The following USH2A variants were observed in gnomAD, a reference collection of about 807,000 sequenced individuals.
The protein encoded by USH2A is usherin, also known as Usher syndrome 2A (autosomal recessive, mild).
In USH2A, 443 loss-of-function variants were observed where a neutral mutation model predicts 538.9. The observed-to-expected ratio is 0.82, with a 90% CI of 0.76 to 0.89. USH2A has a LOEUF of 0.89. Among genes scored for constraint, USH2A ranks in the 40% least tolerant of loss-of-function variants. USH2A has a pLI of 0.00. For synonymous variants in USH2A, 2,413 were observed against 2,273.5 expected (o/e 1.06, Z -1.75); for missense variants, 6,633 against 6,324.8 (o/e 1.05, Z -1.65).
At chr1:215,798,820 T>G (rs1662213261) in intron 50 of USH2A, 87 bp downstream of exon 50, 4 of 1,462,312 alleles carry the variant, frequency 2.7e-6, no homozygotes. Context: ...CTTTAATTAC[T>G]TATTTGTTTT....
At chr1:215,891,008 T>C (rs1039645838) in intron 40 of USH2A, among the ~76,000 whole-genome samples, 1 of 152,186 alleles carries the variant, frequency 6.6e-6, no homozygotes, top group African/African-American at 2.4e-5. Context: ...ATATGTGAAC[T>C]ATCAAACTGT....
At chr1:216,113,716 T>C (rs2032932470) in intron 21 of USH2A, among the ~76,000 whole-genome samples, 1 of 152,058 alleles carries the variant, frequency 6.6e-6, no homozygotes, top group Admixed American at 6.6e-5. Context: ...CTTTTAAATG[T>C]TATTTTTAAA....
In USH2A at chr1:216,319,699, G is replaced by A. The variant is rs184814697; in HGVS notation, c.1644+2184C>T. Among the ~76,000 whole-genome samples, 334 of 152,266 alleles carry A rather than the reference G, an allele frequency of 2.2e-3. 2 individuals carry two copies. Among genetic ancestry groups the A allele is most frequent in the African/African-American group, 7.5e-3 (313 of 41,562 alleles). ...AGACTCTTAGTTGAAACTGAGGAGT[G>A]GGACTACGTTTTGAATGTGCTAGAG... On this transcript the variant is annotated intron_variant, in intron 9 of 71. Transcript: ENST00000307340.
intron 60 of USH2A, among the ~76,000 whole-genome samples, chr1:215,734,715 C>T (rs73088849): frequency 0.04 from 6,134 of 152,242 alleles, 370 homozygotes; most frequent in African/African-American, 0.13. Flanking sequence ...CTCTTAAGTT[C>T]TCACTTTCAC....
In USH2A at chr1:215,993,142, ACTGTGCACCCACCAC is replaced by A; in HGVS notation, c.6668_6682del (p.Gly2223_Thr2227del). 1 of 1,613,966 alleles carries A rather than the reference ACTGTGCACCCACCAC, an allele frequency of 6.2e-7. No individual in the cohort carries two copies. The highest frequency in any genetic ancestry group is 1.3e-5 in the African/African-American group (1 of 75,004). On this transcript the variant is annotated inframe_deletion, in exon 35 of 72. Coordinates refer to ENST00000307340, the MANE Select transcript of USH2A (RefSeq NM_206933.4). ...AGTTAGGGCCTCACTGGCCTCACTC[ACTGTGCACCCACCAC>A]CTGTGCAAGCCTAAACAGAGATGCA...
intron 44 of USH2A, among the ~76,000 whole-genome samples, chr1:215,849,406 G>A (rs1663958681): frequency 6.6e-6 from 1 of 152,124 alleles, no homozygotes; most frequent in African/African-American, 2.4e-5. Context: ...AGCAATGGCA[G>A]AATTAAAACG....
At chr1:215,954,454 T>C (rs1270091769) in intron 37 of USH2A, among the ~76,000 whole-genome samples, 1 of 151,340 alleles carries the variant, frequency 6.6e-6, no homozygotes, top group African/African-American at 2.4e-5. Flanking sequence ...CTCAGCAAAC[T>C]ATCGCAAGGA....
At chr1:216,386,557 A>G (rs1402977666) in intron 3 of USH2A, among the ~76,000 whole-genome samples, 1 of 148,402 alleles carries the variant, frequency 6.7e-6, no homozygotes, top group East Asian at 2.0e-4. Flanking sequence ...ATATATATAT[A>G]TATATATATG....
intron 33 of USH2A, 71 bp from the exon 34 acceptor site, chr1:215,999,129 C>G: frequency 7.8e-7 from 1 of 1,276,856 alleles, no homozygotes; most frequent in Non-Finnish European, 1.1e-6. Flanking sequence ...TTTCAAAGGA[C>G]ACATTTGAAC....
intron 25 of USH2A, 105 bp from the exon 26 acceptor site, chr1:216,083,691 T>C (rs2102559904): frequency 8.6e-7 from 1 of 1,162,420 alleles, no homozygotes; most frequent in Non-Finnish European, 1.2e-6. Flanking sequence ...TGAGTAAATC[T>C]CACAAAAGAA....
chr1:216,304,035 A>G (rs959373172), intron 9 of USH2A, among the ~76,000 whole-genome samples: 17 of 152,014 alleles, frequency 1.1e-4, no homozygotes, highest in Admixed American at 6.6e-4. Flanking sequence ...TGATAGATTA[A>G]TCAATCATAT....
chr1:215,701,823 G>A (rs540096948), intron 61 of USH2A, among the ~76,000 whole-genome samples: 2 of 152,126 alleles, frequency 1.3e-5, no homozygotes, highest in Non-Finnish European at 2.9e-5. Flanking sequence ...TACATTTAAG[G>A]TTAATATTGT....
At chr1:215,917,279 C>G (rs527627766) in intron 38 of USH2A, among the ~76,000 whole-genome samples, 46 of 152,184 alleles carry the variant, frequency 3.0e-4, no homozygotes, top group Admixed American at 1.2e-3. Context: ...CATTTCTTAG[C>G]ATTCCTATTA....
At chr1:216,156,872 C>G (rs886495623) in intron 21 of USH2A, among the ~76,000 whole-genome samples, 1 of 151,284 alleles carries the variant, frequency 6.6e-6, no homozygotes, top group African/African-American at 2.4e-5. Flanking sequence ...ACACATACTT[C>G]TATCTCTTTT....
chr1:215,876,595 T>C (rs1664781240), intron 43 of USH2A, among the ~76,000 whole-genome samples: 1 of 152,156 alleles, frequency 6.6e-6, no homozygotes, highest in Admixed American at 6.5e-5. Flanking sequence ...GTAGATCTGA[T>C]AATATAACGT....
intron 3 of USH2A, among the ~76,000 whole-genome samples, chr1:216,406,000 G>A (rs2039389381): frequency 6.6e-6 from 1 of 152,196 alleles, no homozygotes; most frequent in Non-Finnish European, 1.5e-5. Flanking sequence ...TAGAGTACAA[G>A]TGAGTGGTTG....
At chr1:216,388,954 T>C (rs1353445450) in intron 3 of USH2A, among the ~76,000 whole-genome samples, 2 of 152,172 alleles carry the variant, frequency 1.3e-5, no homozygotes, top group Admixed American at 6.5e-5. Context: ...TAACCTTATA[T>C]GACAAATTTT....
intron 9 of USH2A, among the ~76,000 whole-genome samples, chr1:216,316,068 A>G (rs573332576): frequency 6.6e-6 from 1 of 152,302 alleles, no homozygotes; most frequent in Admixed American, 6.5e-5. Context: ...TATGTATCAT[A>G]CATTAAAGTC....
chr1:215,990,810 G>C (rs573842826), intron 35 of USH2A, among the ~76,000 whole-genome samples: 121 of 134,774 alleles, frequency 9.0e-4, no homozygotes, highest in Non-Finnish European at 1.5e-3. Flanking sequence ...CACCCAGGCT[G>C]GAGTGCAGTG....
Sources: allele counts gnomAD v4.1 joint callset (sites outside exome capture counted in the v4.1 genomes callset), GRCh38; gene constraint gnomAD v4.1.1; transcripts MANE v1.5; gene names NCBI Gene and HGNC (gene_info 2026-07-23, HGNC 2026-07-21).